TSPAN7: variants seen among roughly 807,000 people sequenced by gnomAD.
The protein encoded by TSPAN7 is tetraspanin 7.
TSPAN7 carries 1 observed loss-of-function variant against 17.6 expected under a neutral mutation model. That is an observed-to-expected ratio of 0.06 (90% confidence interval 0.02 to 0.27). The LOEUF is 0.27. Among genes scored for constraint, TSPAN7 ranks in the 10% least tolerant of loss-of-function variants. TSPAN7 has a pLI of 1.00. For missense variants in TSPAN7, 112 were observed against 201.7 expected, an observed-to-expected ratio of 0.56 and a Z score of 2.69; for synonymous variants, 78 against 79.0, an observed-to-expected ratio of 0.99 and a Z score of 0.07.
At chrX:38,601,311 A>C (rs2069345691) in intron 1 of TSPAN7, among the ~76,000 whole-genome samples, 1 of 111,548 alleles carries the variant, frequency 9.0e-6, no homozygotes, top group African/African-American at 3.3e-5. Context: ...AACAAGAGTC[A>C]AGGGAGTAAT....
At chrX:38,584,174 C>T (rs1235000358) in intron 1 of TSPAN7, among the ~76,000 whole-genome samples, 3 of 109,339 alleles carry the variant, frequency 2.7e-5, no homozygotes, top group African/African-American at 6.7e-5. Flanking sequence ...AGGATGGTCT[C>T]GATTTCCTGA....
intron 1 of TSPAN7, among the ~76,000 whole-genome samples, chrX:38,592,246 C>T (rs914033573): frequency 3.6e-5 from 4 of 111,537 alleles, no homozygotes; most frequent in African/African-American, 1.3e-4. Context: ...CAAACCATAT[C>T]TCTTCCCACT....
In TSPAN7 at chrX:38,675,745, C is replaced by T; in HGVS notation, c.482C>T (p.Thr161Ile). ...GTGCAGAACTACACCAACTGGAGCA[C>T]CAGCCCCTACTTCCTGGAGCATGGC... ...CGVQNYTNWSTSPYFLEHGIP... is the reference protein window; with the variant it reads ...CGVQNYTNWSISPYFLEHGIP... The change falls in exon 5 of 8, where the codon ACC (threonine) becomes ATC (isoleucine). Residue 161 changes from threonine to isoleucine, a missense_variant. Thr to Ile is a moderately conservative substitution (Grantham distance 89). Coordinates refer to ENST00000378482, the MANE Select transcript of TSPAN7 (RefSeq NM_004615.4). 2 of 1,211,172 alleles carry T rather than the reference C, an allele frequency of 1.7e-6. No individual in the cohort carries two copies. Among genetic ancestry groups the T allele is most frequent in the Admixed American group, 2.2e-5 (1 of 45,987 alleles).
At chrX:38,667,015 T>G (rs2069787132) in intron 2 of TSPAN7, among the ~76,000 whole-genome samples, 1 of 112,143 alleles carries the variant, frequency 8.9e-6, no homozygotes, top group African/African-American at 3.2e-5. Context: ...CAAGTTCCTA[T>G]TGGAGAAATA....
chrX:38,628,576 C>T (rs1000797741), intron 1 of TSPAN7, among the ~76,000 whole-genome samples: 1 of 111,418 alleles, frequency 9.0e-6, no homozygotes, highest in African/African-American at 3.3e-5. Flanking sequence ...ATTGTACTAT[C>T]TGCCTTATTC....
intron 1 of TSPAN7, among the ~76,000 whole-genome samples, chrX:38,577,726 A>G (rs1202388299): frequency 9.4e-6 from 1 of 105,949 alleles, no homozygotes; most frequent in Admixed American, 1.0e-4. Flanking sequence ...TGATGAGTTA[A>G]TGGGTGCAGC....
intron 1 of TSPAN7, among the ~76,000 whole-genome samples, chrX:38,582,705 A>T (rs767272579): frequency 8.9e-6 from 1 of 112,664 alleles, no homozygotes; most frequent in South Asian, 3.7e-4. Flanking sequence ...TAAATTTAGC[A>T]GAATGTGTAA....
intron 1 of TSPAN7, among the ~76,000 whole-genome samples, chrX:38,588,748 G>C (rs758301463): frequency 8.9e-6 from 1 of 111,875 alleles, no homozygotes; most frequent in East Asian, 2.8e-4. Flanking sequence ...TTCATCCTCT[G>C]TCCCTTCTTC....
intron 1 of TSPAN7, among the ~76,000 whole-genome samples, chrX:38,585,700 G>A (rs2069254770): frequency 9.0e-6 from 1 of 111,418 alleles, no homozygotes; most frequent in African/African-American, 3.3e-5. Flanking sequence ...GAGGTGTTTC[G>A]ATCACGGAGG....
At chrX:38,634,854 C>T (rs1288399256) in intron 1 of TSPAN7, among the ~76,000 whole-genome samples, 2 of 110,779 alleles carry the variant, frequency 1.8e-5, no homozygotes, top group Admixed American at 9.6e-5. Context: ...TGAACCTCAG[C>T]CAGATGGTAT....
At chrX:38,566,291 A>C (rs1442014780) in intron 1 of TSPAN7, 18 of 931,979 alleles carry the variant, frequency 1.9e-5, no homozygotes, top group Non-Finnish European at 2.3e-5. Context: ...CTGATCCTTC[A>C]TTTCTCCTGA....
At chrX:38,605,546 ATTG>A (rs2069375381) in intron 1 of TSPAN7, among the ~76,000 whole-genome samples, 1 of 106,697 alleles carries the variant, frequency 9.4e-6, no homozygotes, top group Admixed American at 1.0e-4. Flanking sequence ...TCTTCACAGA[ATTG>A]GAAAAAACTA....
intron 2 of TSPAN7, among the ~76,000 whole-genome samples, chrX:38,668,270 T>C (rs1017111327): frequency 8.9e-6 from 1 of 112,051 alleles, no homozygotes; most frequent in Admixed American, 9.5e-5. Context: ...AGAGGTGATA[T>C]TTTTATGTTC....
intron 1 of TSPAN7, among the ~76,000 whole-genome samples, chrX:38,600,774 G>C (rs553682553): frequency 2.1e-4 from 24 of 111,946 alleles, no homozygotes; most frequent in Non-Finnish European, 3.2e-4. Flanking sequence ...AAGCAGGAAG[G>C]CTGCTTTATA....
intron 5 of TSPAN7, among the ~76,000 whole-genome samples, chrX:38,677,748 C>A: frequency 8.9e-6 from 1 of 112,624 alleles, no homozygotes; most frequent in East Asian, 2.8e-4. Context: ...CTTAGACATT[C>A]TTATTTAATG....
At chrX:38,650,238 A>G (rs1390021755) in intron 1 of TSPAN7, among the ~76,000 whole-genome samples, 1 of 112,600 alleles carries the variant, frequency 8.9e-6, no homozygotes, top group Non-Finnish European at 1.9e-5. Flanking sequence ...CCCTTGCTCA[A>G]GGTGGCTTGT....
chrX:38,631,495 G>C (rs2069551429), intron 1 of TSPAN7, among the ~76,000 whole-genome samples: 1 of 111,666 alleles, frequency 9.0e-6, no homozygotes, highest in African/African-American at 3.2e-5. Context: ...TTCCCACTCT[G>C]ATCCTCTTAT....
At position 38,613,268 on chromosome X, in the gene TSPAN7, T is replaced by C. The variant is rs370532264; in HGVS notation, c.81+51641T>C. ...GGTTAAAAAAATCATTTTCTTATTT[T>C]ATGGATGTAGTATCTTATGTCTCCA... On this transcript the variant is annotated intron_variant, in intron 1 of 7. Transcript: ENST00000378482. Among the ~76,000 whole-genome samples the C allele has an allele frequency of 1.4e-4, 16 of 112,436 alleles. No homozygotes were observed. In the East Asian group the frequency reaches 3.1e-3, roughly 22 times the overall value.
chrX:38,680,539 T>TTCTCTCTCTCTCTCTCTCTC (rs61619425), intron 5 of TSPAN7, among the ~76,000 whole-genome samples: 1 of 75,600 alleles, frequency 1.3e-5, no homozygotes, highest in African/African-American at 4.9e-5. Context: ...TACTTACAAA[T>TTCTCTCTCTCTCTCTCTCTC]TCTCTCTCTC....
Sources: gnomAD v4.1 joint callset for allele counts (sites outside exome capture counted in the v4.1 genomes callset) on GRCh38, gnomAD v4.1.1 for gene constraint, MANE v1.5 for transcripts, NCBI Gene and HGNC (gene_info 2026-07-23, HGNC 2026-07-21) for gene names.